PRKD1: variants seen among roughly 807,000 people sequenced by gnomAD.
PRKD1 encodes serine/threonine-protein kinase D1.
A neutral mutation model predicts 95.9 loss-of-function variants in PRKD1; 63 were observed. The ratio of observed to expected loss-of-function variants is 0.66; its 90% CI spans 0.54 to 0.81. The LOEUF (loss-of-function observed/expected upper bound fraction) is 0.81. PRKD1 is among the 30% of genes least tolerant of loss of function. The probability of loss-of-function intolerance (pLI) is 0.00; values close to 1 mark genes in which losing one functional copy is unlikely to be tolerated. For synonymous variants in PRKD1, 425 were observed against 423.1 expected (o/e 1.00, Z -0.05); for missense variants, 1,048 against 1,165.3 (o/e 0.90, Z 1.47).
intron 1 of PRKD1, among the ~76,000 whole-genome samples, chr14:29,898,739 C>G (rs950877153): frequency 6.6e-6 from 1 of 152,182 alleles, no homozygotes; most frequent in Non-Finnish European, 1.5e-5. Flanking sequence ...TGACTTCAAT[C>G]CTGTCCAAAT....
At chr14:29,634,585 C>T (rs1008801512) in intron 7 of PRKD1, 44 bp from the exon 8 acceptor site, 4 of 1,610,598 alleles carry the variant, frequency 2.5e-6, no homozygotes, top group South Asian at 1.1e-5. Context: ...TTTTCAGGTA[C>T]ATTTTATGTA....
intron 12 of PRKD1, among the ~76,000 whole-genome samples, chr14:29,625,447 C>T (rs532886381): frequency 6.6e-6 from 1 of 152,284 alleles, no homozygotes; most frequent in East Asian, 1.9e-4. Flanking sequence ...TCCAAATTAT[C>T]TGGCATCTGC....
chr14:29,614,440 C>T (rs900911566), intron 13 of PRKD1, among the ~76,000 whole-genome samples: 1 of 152,058 alleles, frequency 6.6e-6, no homozygotes, highest in Non-Finnish European at 1.5e-5. Context: ...TATTTCTGAG[C>T]CCTGTCTCAC....
chr14:29,750,827 C>T (rs1310904593), intron 1 of PRKD1, among the ~76,000 whole-genome samples: 1 of 152,246 alleles, frequency 6.6e-6, no homozygotes, highest in Middle Eastern at 3.4e-3. Flanking sequence ...ATTTGAGGAT[C>T]TGCAGTACTT....
At chr14:29,797,386 T>C (rs1284173940) in intron 1 of PRKD1, among the ~76,000 whole-genome samples, 1 of 152,206 alleles carries the variant, frequency 6.6e-6, no homozygotes, top group Non-Finnish European at 1.5e-5. Context: ...TGTGTTATTA[T>C]CTGTCACTGG....
At chr14:29,849,501 G>A (rs894956268) in intron 1 of PRKD1, among the ~76,000 whole-genome samples, 6 of 151,532 alleles carry the variant, frequency 4.0e-5, no homozygotes, top group African/African-American at 1.5e-4. Flanking sequence ...ATTGAATCAG[G>A]AAGAAACTGA....
intron 1 of PRKD1, among the ~76,000 whole-genome samples, chr14:29,826,150 A>C (rs1323104287): frequency 1.3e-5 from 2 of 148,752 alleles, no homozygotes; most frequent in African/African-American, 4.9e-5. Context: ...ATGGATGTAC[A>C]TATATACACA....
At chr14:29,594,814 T>C (rs1893244334) in intron 16 of PRKD1, among the ~76,000 whole-genome samples, 1 of 152,184 alleles carries the variant, frequency 6.6e-6, no homozygotes, top group Non-Finnish European at 1.5e-5. Context: ...TAAAACTATT[T>C]GGTCTTAACT....
chr14:29,631,150 T>C (rs1301026342), intron 9 of PRKD1, 129 bp from the exon 10 acceptor site: 19 of 922,470 alleles, frequency 2.1e-5, no homozygotes, highest in Non-Finnish European at 2.2e-5. Flanking sequence ...ACTTTTAAAC[T>C]ATAAAACACA....
chr14:29,899,371 G>T (rs553285210), intron 1 of PRKD1, among the ~76,000 whole-genome samples: 1 of 152,094 alleles, frequency 6.6e-6, no homozygotes, highest in Admixed American at 6.6e-5. Context: ...ATTTGGCCAG[G>T]CACGGTGGCT....
chr14:29,630,169 CCT>C (rs1393864965), intron 10 of PRKD1, among the ~76,000 whole-genome samples: 4 of 152,004 alleles, frequency 2.6e-5, no homozygotes, highest in Non-Finnish European at 5.9e-5. Context: ...CCCTCCTCCT[CCT>C]CTTTCTTGCC....
intron 1 of PRKD1, among the ~76,000 whole-genome samples, chr14:29,884,882 G>A (rs530712726): frequency 1.4e-4 from 21 of 152,252 alleles, no homozygotes; most frequent in African/African-American, 5.1e-4. Flanking sequence ...CAGCACTTTG[G>A]GAGGCCGAAG....
intron 1 of PRKD1, among the ~76,000 whole-genome samples, chr14:29,785,550 T>C (rs917149173): frequency 1.3e-5 from 2 of 152,086 alleles, no homozygotes; most frequent in Non-Finnish European, 2.9e-5. Flanking sequence ...TGGATGCTCT[T>C]TATTTCTTTT....
At chr14:29,735,936 A>G (rs1594471106) in intron 1 of PRKD1, among the ~76,000 whole-genome samples, 1 of 152,216 alleles carries the variant, frequency 6.6e-6, no homozygotes, top group East Asian at 1.9e-4. Context: ...TAATACCAAA[A>G]TATGCTGCAC....
intron 13 of PRKD1, among the ~76,000 whole-genome samples, chr14:29,617,545 C>A (rs947274226): frequency 1.3e-5 from 2 of 152,034 alleles, no homozygotes; most frequent in Non-Finnish European, 2.9e-5. Flanking sequence ...TAAATAGGAG[C>A]TCTAGTATTG....
At chr14:29,792,361 A>G (rs531148449) in intron 1 of PRKD1, among the ~76,000 whole-genome samples, 1 of 152,222 alleles carries the variant, frequency 6.6e-6, no homozygotes, top group East Asian at 1.9e-4. Flanking sequence ...AGAAGGTCCA[A>G]ATTTTAATAC....
At chr14:29,890,948 T>C (rs1424171275) in intron 1 of PRKD1, among the ~76,000 whole-genome samples, 1 of 152,160 alleles carries the variant, frequency 6.6e-6, no homozygotes, top group Non-Finnish European at 1.5e-5. Context: ...AGGTCACAGT[T>C]TCTTGTGATC....
At chr14:29,655,745 A>G (rs1471545431) in intron 4 of PRKD1, among the ~76,000 whole-genome samples, 2 of 152,050 alleles carry the variant, frequency 1.3e-5, no homozygotes, top group African/African-American at 2.4e-5. Flanking sequence ...TGTTTTTTCC[A>G]TATATAATTT....
chr14:29,683,840 G>A (rs1270875767), intron 2 of PRKD1, among the ~76,000 whole-genome samples: 1 of 152,182 alleles, frequency 6.6e-6, no homozygotes, highest in Non-Finnish European at 1.5e-5. Context: ...TGATTTTTGT[G>A]TCATCGTCAA....
Sources: allele counts gnomAD v4.1 joint callset (sites outside exome capture counted in the v4.1 genomes callset), GRCh38; gene constraint gnomAD v4.1.1; transcripts MANE v1.5; gene names NCBI Gene and HGNC (gene_info 2026-07-23, HGNC 2026-07-21).